CHD5: variants seen among roughly 807,000 people sequenced by gnomAD.
CHD5 encodes the protein ATP-dependent chromatin remodeler CHD5.
In CHD5, 69 loss-of-function variants were observed where a neutral mutation model predicts 230.3. That is an observed-to-expected ratio of 0.30 (90% CI 0.25 to 0.37). The LOEUF is 0.37. CHD5 is among the 10% of genes least tolerant of loss of function. CHD5 has a pLI of 1.00. For synonymous variants in CHD5, 1,064 were observed against 1,065.9 expected, an observed-to-expected ratio of 1.00 and a Z score of 0.03; for missense variants, 1,827 against 2,622.8, an observed-to-expected ratio of 0.70 and a Z score of 6.63.
chr1:6,111,750 C>A (rs1357809698), intron 36 of CHD5, 25 bp downstream of exon 36: 1 of 1,595,132 alleles, frequency 6.3e-7, no homozygotes, highest in Non-Finnish European at 8.6e-7. Context: ...CAAGTCCCTG[C>A]CCAGCCCGGC....
chr1:6,155,483 T>C lies in CHD5; in HGVS notation c.506+116A>G, dbSNP rs1667066927. The C allele has an allele frequency of 1.2e-6, 1 of 843,674 alleles. No homozygotes were observed. Among genetic ancestry groups the C allele is most frequent in the Non-Finnish European group, 1.9e-6 (1 of 515,806 alleles). The allele number at this position is 843,674 out of a possible 1,614,324, so 52.3% of individuals were successfully genotyped here. Reference sequence around the variant, plus strand: ...CAGCTCCCCCAGGTTGCTCAGTCGGTCTGACAGAGCCCACCCCTACCCCAG... The same window carrying C: ...CAGCTCCCCCAGGTTGCTCAGTCGGCCTGACAGAGCCCACCCCTACCCCAG... On this transcript the variant is annotated intron_variant, in intron 4 of 41. Transcript: ENST00000262450. The surrounding 1 kb of genome is among the most constrained non-coding windows in gnomAD (Gnocchi z 4.0).
At chr1:6,172,044 C>A (rs1011521728) in intron 1 of CHD5, among the ~76,000 whole-genome samples, 1 of 152,238 alleles carries the variant, frequency 6.6e-6, no homozygotes, top group Non-Finnish European at 1.5e-5. Flanking sequence ...AGGAGAGGCA[C>A]CTTCTGCTGC....
chr1:6,125,308 G>T lies in CHD5; in HGVS notation c.4261-75C>A. ...GGTGGAGGATTCTGGGATGGGGGAA[G>T]AAAAGCATGGGAGGAGGAGAAGGTA... On this transcript the variant is annotated intron_variant, in intron 28 of 41. Transcript: ENST00000262450. The surrounding 1 kb of genome is among the most constrained non-coding windows in gnomAD (Gnocchi z 6.7). 6.9e-7 allele frequency: 1 copy of T among 1,446,350 alleles called. No individual in the cohort carries two copies. Among genetic ancestry groups the T allele is most frequent in the Non-Finnish European group, 9.3e-7 (1 of 1,071,448 alleles). The allele number at this position is 1,446,350 out of a possible 1,614,324, so 89.6% of individuals were successfully genotyped here.
chr1:6,130,142 A>ACCTGC lies in CHD5; in HGVS notation c.3387+57_3387+61dup. Reference sequence around the variant, plus strand: ...TGGCAAGAAGGGCATGAAGGACAGAACCTGCCTGAGGCCCGGGATGAGAGG... The same window carrying ACCTGC: ...TGGCAAGAAGGGCATGAAGGACAGAACCTGCCCTGCCTGAGGCCCGGGATGAGAGG... On this transcript the variant is annotated intron_variant, in intron 22 of 41. Transcript: ENST00000262450. This position sits in a 1 kb window ranked among gnomAD's most constrained non-coding sequence, Gnocchi z 4.9. 1 of 1,596,976 alleles carries ACCTGC rather than the reference A, an allele frequency of 6.3e-7. No homozygotes were observed. The highest frequency in any genetic ancestry group is 8.6e-7 in the Non-Finnish European group (1 of 1,167,242).
intron 2 of CHD5, among the ~76,000 whole-genome samples, chr1:6,164,490 T>C (rs1667223067): frequency 6.6e-6 from 1 of 152,238 alleles, no homozygotes; most frequent in Non-Finnish European, 1.5e-5. Context: ...GGTTATTTTA[T>C]GTAAATCAGA....
chr1:6,137,316 A>C (rs1031068170), intron 15 of CHD5, among the ~76,000 whole-genome samples: 1 of 152,134 alleles, frequency 6.6e-6, no homozygotes, highest in East Asian at 1.9e-4. Flanking sequence ...CATGTTGCTG[A>C]AGCTGGTCTC....
intron 3 of CHD5, among the ~76,000 whole-genome samples, chr1:6,158,025 G>A (rs142251696): frequency 2.6e-5 from 4 of 152,290 alleles, no homozygotes; most frequent in Admixed American, 6.5e-5. Context: ...TTTACAGAGC[G>A]TTTATCTTTA....
In CHD5 at chr1:6,146,637, T is replaced by C; in HGVS notation, c.1590+28A>G. On this transcript the variant is annotated intron_variant, in intron 10 of 41. Coordinates refer to ENST00000262450, the MANE Select transcript of CHD5 (RefSeq NM_015557.3). The surrounding 1 kb of genome is among the most constrained non-coding windows in gnomAD (Gnocchi z 5.1). The stretch of plus-strand genomic sequence containing the variant: ...CCAGGGCTCACCAGGTCCCGGGCCT[T>C]AGCACAGCCACCCTCCCGGGCACTC... The C allele has an allele frequency of 6.2e-7, 1 of 1,610,794 alleles. No individual in the cohort carries two copies. The highest frequency in any genetic ancestry group is 1.1e-5 in the South Asian group (1 of 90,984).
At chr1:6,133,788 G>A (rs768762766) in intron 20 of CHD5, among the ~76,000 whole-genome samples, 1 of 152,232 alleles carries the variant, frequency 6.6e-6, no homozygotes, top group Non-Finnish European at 1.5e-5. Flanking sequence ...GGAGAGAGGG[G>A]CTCCTCCCAA....
At chr1:6,113,649 C>T (rs1255214533) in intron 33 of CHD5, among the ~76,000 whole-genome samples, 2 of 152,212 alleles carry the variant, frequency 1.3e-5, no homozygotes, top group Non-Finnish European at 2.9e-5. Flanking sequence ...ATGCAGAGAA[C>T]TGGAATGATG....
In CHD5 at chr1:6,106,491, G is replaced by T; in HGVS notation, c.5761C>A (p.Gln1921Lys). The T allele has an allele frequency of 6.4e-7, 1 of 1,553,332 alleles. No homozygotes were observed. Among genetic ancestry groups the T allele is most frequent in the Non-Finnish European group, 8.7e-7 (1 of 1,148,552 alleles). The change falls in exon 40 of 42, where the codon CAG becomes AAG. Residue 1921 changes from glutamine (Q) to lysine (K), a missense_variant. Transcript: ENST00000262450. ...GGCCCAAAGTTGTTGCTGTACATCTGGGAGGAGCCGAAAGCGCCCTGGAGG... is the reference window on the plus strand; with the variant it reads ...GGCCCAAAGTTGTTGCTGTACATCTTGGAGGAGCCGAAAGCGCCCTGGAGG... ...TIQQGAFGSS[Q>K]MYSNNFGPNF...
intron 33 of CHD5, among the ~76,000 whole-genome samples, chr1:6,119,747 G>GTACGTACATACGTGCGTACA (rs1666436755): frequency 6.6e-6 from 1 of 150,414 alleles, no homozygotes; most frequent in Non-Finnish European, 1.5e-5. Flanking sequence ...AGGTACATAT[G>GTACGTACATACGTGCGTACA]TACGTACATA....
rs549250035 is a variant in CHD5 at position 6,105,795 on chromosome 1, C to T, written c.*47-368G>A. 2.0e-5 allele frequency among the ~76,000 whole-genome samples: 3 copies of T among 152,364 alleles called. No homozygotes were observed. The highest frequency in any genetic ancestry group is 6.5e-5 in the Admixed American group (1 of 15,308). On this transcript the variant is annotated intron_variant, in intron 41 of 41. Transcript: ENST00000262450. The surrounding 1 kb of genome is among the most constrained non-coding windows in gnomAD (Gnocchi z 4.8). ...CCCCTCTCCTGGCCAATAGCCCCCACAAAACCCTCAGCCACCCTCCTGGTC... is the reference window on the plus strand; with the variant it reads ...CCCCTCTCCTGGCCAATAGCCCCCATAAAACCCTCAGCCACCCTCCTGGTC...
At chr1:6,115,279 A>G (rs1254195933) in intron 33 of CHD5, among the ~76,000 whole-genome samples, 2 of 152,034 alleles carry the variant, frequency 1.3e-5, no homozygotes, top group African/African-American at 4.8e-5. Context: ...GGAAACACAC[A>G]ATCATTAACA....
At chr1:6,166,098 C>T (rs1249579853) in intron 2 of CHD5, among the ~76,000 whole-genome samples, 2 of 151,826 alleles carry the variant, frequency 1.3e-5, no homozygotes, top group Non-Finnish European at 2.9e-5. Context: ...ACATCCATCC[C>T]GGACACTGTG....
intron 33 of CHD5, among the ~76,000 whole-genome samples, chr1:6,115,357 C>T (rs114606171): frequency 0.023 from 3,516 of 152,234 alleles, 63 homozygotes; most frequent in Non-Finnish European, 0.037. Context: ...TTGGTGTCCA[C>T]GCCCTGCAAG....
chr1:6,155,784 G>T lies in CHD5; in HGVS notation c.388-67C>A. ...TCTGACCTGCACCCCCATCCCCAGGGTCTCTGCCTAGGAGGCTTTGGCACA... is the reference window on the plus strand; with the variant it reads ...TCTGACCTGCACCCCCATCCCCAGGTTCTCTGCCTAGGAGGCTTTGGCACA... On this transcript the variant is annotated intron_variant, in intron 3 of 41. Transcript: ENST00000262450. The surrounding 1 kb of genome is among the most constrained non-coding windows in gnomAD (Gnocchi z 4.0). 2 of 1,281,058 alleles carry T rather than the reference G, an allele frequency of 1.6e-6. No individual in the cohort carries two copies. Among genetic ancestry groups the T allele is most frequent in the Non-Finnish European group, 1.1e-6 (1 of 882,710 alleles). 79.4% of individuals were successfully genotyped at this position (1,281,058 alleles called of 1,614,324 possible).
intron 1 of CHD5, among the ~76,000 whole-genome samples, chr1:6,176,869 C>T (rs2100891097): frequency 6.6e-6 from 1 of 152,308 alleles, no homozygotes; most frequent in African/African-American, 2.4e-5. Context: ...GCTCTTGACC[C>T]CTGGCTTCAA....
intron 3 of CHD5, among the ~76,000 whole-genome samples, chr1:6,156,082 G>A (rs535123697): frequency 7.1e-4 from 108 of 152,318 alleles, no homozygotes; most frequent in African/African-American, 2.4e-3. Context: ...AGGGCTGCCC[G>A]ACCAGCCTCG....
Sources: gnomAD v4.1 joint callset for allele counts (sites outside exome capture counted in the v4.1 genomes callset) on GRCh38, gnomAD v4.1.1 for gene constraint, Gnocchi (gnomAD v3.1) non-coding constraint, MANE v1.5 for transcripts, NCBI Gene and HGNC (gene_info 2026-07-23, HGNC 2026-07-21) for gene names.